LRRC37A2: variants seen among roughly 807,000 people sequenced by gnomAD.
LRRC37A2 encodes the protein leucine-rich repeat-containing protein 37A2.
In LRRC37A2, 9 loss-of-function variants were observed where a neutral mutation model predicts 68.8. The observed-to-expected ratio is 0.13, with a 90% CI of 0.08 to 0.23. The LOEUF is 0.23. Ranked by LOEUF, LRRC37A2 falls within the 10% of genes least tolerant of loss-of-function variation. The probability of loss-of-function intolerance (pLI) is 1.00; values close to 1 mark genes in which losing one functional copy is unlikely to be tolerated. For missense variants in LRRC37A2, 168 were observed against 950.4 expected (o/e 0.18, Z 10.82); for synonymous variants, 63 against 367.6 (o/e 0.17, Z 9.48).
the LRRC37A2 span, among the ~76,000 whole-genome samples, chr17:46,967,322 TGTAAA>T: frequency 6.6e-6 from 1 of 152,312 alleles, no homozygotes; most frequent in East Asian, 1.9e-4. Flanking sequence ...TTTCCTCAAA[TGTAAA>T]GTAAAAATGG....
At chr17:46,940,533 G>A in the LRRC37A2 span, 1 of 1,614,054 alleles carries the variant, frequency 6.2e-7, no homozygotes, top group Admixed American at 1.7e-5. Context: ...GACTGCGACG[G>A]CAAGGCTGTC....
At chr17:46,913,674 T>C in the LRRC37A2 span, among the ~76,000 whole-genome samples, 1 of 152,214 alleles carries the variant, frequency 6.6e-6, no homozygotes, top group Non-Finnish European at 1.5e-5. Flanking sequence ...TCTGCCACGA[T>C]GAGGATATTA....
the LRRC37A2 span, among the ~76,000 whole-genome samples, chr17:47,012,096 T>C: frequency 1.3e-5 from 2 of 152,210 alleles, no homozygotes; most frequent in Non-Finnish European, 2.9e-5. Flanking sequence ...AATCAATCTA[T>C]GATGGTTGAA....
chr17:46,792,333 A>G, the LRRC37A2 span, among the ~76,000 whole-genome samples: 3 of 152,192 alleles, frequency 2.0e-5, no homozygotes, highest in Non-Finnish European at 4.4e-5. Flanking sequence ...ACAGGTGATT[A>G]CCCATAATGA....
At chr17:46,984,847 T>C in the LRRC37A2 span, among the ~76,000 whole-genome samples, 1 of 152,244 alleles carries the variant, frequency 6.6e-6, no homozygotes, top group East Asian at 1.9e-4. Context: ...ATTTGCATAT[T>C]CAACTGTAAA....
chr17:47,001,717 CTT>C, the LRRC37A2 span, among the ~76,000 whole-genome samples: 11 of 108,606 alleles, frequency 1.0e-4, no homozygotes, highest in East Asian at 2.5e-4. Context: ...CTCTTTTTTC[CTT>C]TTTTTTTTTT....
chr17:47,002,146 A>G, the LRRC37A2 span, among the ~76,000 whole-genome samples: 3 of 152,108 alleles, frequency 2.0e-5, no homozygotes, highest in Non-Finnish European at 4.4e-5. Flanking sequence ...ACTCACCATA[A>G]TTATTTTGAG....
the LRRC37A2 span, among the ~76,000 whole-genome samples, chr17:46,828,304 C>T: frequency 6.6e-6 from 1 of 152,022 alleles, no homozygotes; most frequent in East Asian, 1.9e-4. Context: ...TCTAATGATC[C>T]TCTCACCTCA....
At chr17:46,795,074 C>G in the LRRC37A2 span, among the ~76,000 whole-genome samples, 2 of 152,044 alleles carry the variant, frequency 1.3e-5, no homozygotes, top group African/African-American at 4.8e-5. Flanking sequence ...TTCTGAGACA[C>G]CTGGTGGGAA....
the LRRC37A2 span, among the ~76,000 whole-genome samples, chr17:46,832,324 G>T: frequency 6.6e-6 from 1 of 151,544 alleles, no homozygotes. Flanking sequence ...CCCCAGAAGG[G>T]CCTGGTTGTT....
the LRRC37A2 span, among the ~76,000 whole-genome samples, chr17:46,880,017 T>C: frequency 2.0e-5 from 3 of 152,346 alleles, no homozygotes; most frequent in East Asian, 5.8e-4. Context: ...GTGTTTTGCT[T>C]GTAAAAATGA....
At chr17:46,877,213 G>C in the LRRC37A2 span, 1 of 388,046 alleles carries the variant, frequency 2.6e-6, no homozygotes, top group South Asian at 1.1e-4. Flanking sequence ...CTCAGGTGCA[G>C]TGGGCTCCAG....
At chr17:46,415,399 CT>C in the LRRC37A2 span, among the ~76,000 whole-genome samples, 1 of 77,182 alleles carries the variant, frequency 1.3e-5, no homozygotes, top group Admixed American at 1.1e-4. Flanking sequence ...GGCCATCCAC[CT>C]TTTTTTGAGA....
At chr17:46,969,821 A>G in the LRRC37A2 span, among the ~76,000 whole-genome samples, 2,996 of 151,848 alleles carry the variant, frequency 0.02, 230 homozygotes, top group East Asian at 0.25. Context: ...AGGTCCCCCA[A>G]CTCTCCCATT....
At chr17:46,926,271 A>G in the LRRC37A2 span, among the ~76,000 whole-genome samples, 2 of 152,236 alleles carry the variant, frequency 1.3e-5, no homozygotes, top group Non-Finnish European at 2.9e-5. Flanking sequence ...ACTTTTAAGT[A>G]AAGTTAACAA....
At chr17:46,981,913 G>C in the LRRC37A2 span, among the ~76,000 whole-genome samples, 1 of 152,006 alleles carries the variant, frequency 6.6e-6, no homozygotes, top group East Asian at 1.9e-4. Context: ...TGTTGCCCAG[G>C]ATGGTCTCGA....
chr17:46,939,395 G>C, the LRRC37A2 span: 49 of 995,636 alleles, frequency 4.9e-5, no homozygotes, highest in Non-Finnish European at 5.6e-5. Flanking sequence ...CTACAGCTGG[G>C]TGTTTCTCTT....
chr17:47,018,432 C>G, the LRRC37A2 span: 15 of 1,575,870 alleles, frequency 9.5e-6, no homozygotes, highest in South Asian at 2.2e-5. Context: ...CTCTGTGAAG[C>G]CTCCAGACGT....
At chr17:47,006,428 A>G in the LRRC37A2 span, among the ~76,000 whole-genome samples, 2 of 151,872 alleles carry the variant, frequency 1.3e-5, no homozygotes, top group South Asian at 4.1e-4. Context: ...CCTCGCCAAC[A>G]TGACAAAACC....
Sources: allele counts gnomAD v4.1 joint callset (sites outside exome capture counted in the v4.1 genomes callset), GRCh38; gene constraint gnomAD v4.1.1; transcripts MANE v1.5; gene names NCBI Gene and HGNC (gene_info 2026-07-23, HGNC 2026-07-21).